Variants in KCNH8 observed in about 807,000 individuals in gnomAD.
KCNH8 encodes the protein potassium voltage-gated channel subfamily H member 8, also known as voltage-gated delayed rectifier potassium channel KCNH8.
A neutral mutation model predicts 103.6 loss-of-function variants in KCNH8; 70 were observed. That is an observed-to-expected ratio of 0.68 (90% CI 0.56 to 0.82). KCNH8 has a LOEUF of 0.82. Among genes scored for constraint, KCNH8 ranks in the 40% least tolerant of loss-of-function variants. The pLI is 0.00. For missense variants in KCNH8, 1,217 were observed against 1,329.9 expected, an observed-to-expected ratio of 0.92 and a Z score of 1.32; for synonymous variants, 498 against 489.4, an observed-to-expected ratio of 1.02 and a Z score of -0.23.
chr3:19,272,539 A>G (rs2064603875), intron 2 of KCNH8, among the ~76,000 whole-genome samples: 1 of 152,004 alleles, frequency 6.6e-6, no homozygotes, highest in South Asian at 2.1e-4. Context: ...ACTGCTTAGA[A>G]CTGTGCTGCA....
chr3:19,475,508 C>T (rs1460681559), intron 11 of KCNH8, among the ~76,000 whole-genome samples: 1 of 152,184 alleles, frequency 6.6e-6, no homozygotes, highest in African/African-American at 2.4e-5. Flanking sequence ...TTGATTCACC[C>T]TTCTTCCCAC....
chr3:19,358,862 T>G (rs1182445905), intron 5 of KCNH8, among the ~76,000 whole-genome samples: 1 of 151,130 alleles, frequency 6.6e-6, no homozygotes, highest in Non-Finnish European at 1.5e-5. Flanking sequence ...AAAGGAACTG[T>G]GCAAAAATAA....
chr3:19,493,789 CCTT>C (rs1160988831), intron 11 of KCNH8, among the ~76,000 whole-genome samples: 3 of 152,006 alleles, frequency 2.0e-5, no homozygotes, highest in African/African-American at 7.3e-5. Flanking sequence ...ACATTATTCT[CCTT>C]ATGTCATTTA....
chr3:19,447,881 T>C (rs906935860), intron 8 of KCNH8, among the ~76,000 whole-genome samples: 1 of 152,046 alleles, frequency 6.6e-6, no homozygotes, highest in African/African-American at 2.4e-5. Context: ...TGGGAAACAT[T>C]TAATTTTTGA....
intron 5 of KCNH8, among the ~76,000 whole-genome samples, chr3:19,379,389 C>G (rs1003142138): frequency 2.6e-5 from 4 of 152,162 alleles, no homozygotes; most frequent in Non-Finnish European, 4.4e-5. Flanking sequence ...TGCCTGTAAT[C>G]CCAGCACTTT....
At chr3:19,492,624 T>TTTG (rs749093096) in intron 11 of KCNH8, among the ~76,000 whole-genome samples, 8 of 152,100 alleles carry the variant, frequency 5.3e-5, no homozygotes, top group Admixed American at 3.3e-4. Flanking sequence ...CAGCTTCATT[T>TTTG]TTGTTGTTGT....
chr3:19,256,584 G>A (rs2064349250), intron 2 of KCNH8, among the ~76,000 whole-genome samples: 1 of 151,970 alleles, frequency 6.6e-6, no homozygotes, highest in African/African-American at 2.4e-5. Context: ...CTTAAGATAG[G>A]CACCTTGTGT....
chr3:19,508,550 G>A (rs1417000504), intron 11 of KCNH8, among the ~76,000 whole-genome samples: 1 of 152,102 alleles, frequency 6.6e-6, no homozygotes, highest in African/African-American at 2.4e-5. Flanking sequence ...TGGGCATAAT[G>A]TCTGGGAAAC....
At chr3:19,279,695 T>C (rs2064731208) in intron 2 of KCNH8, among the ~76,000 whole-genome samples, 1 of 152,092 alleles carries the variant, frequency 6.6e-6, no homozygotes, top group Non-Finnish European at 1.5e-5. Flanking sequence ...ATCCAACCAT[T>C]CTTTTAAACA....
At chr3:19,226,070 C>A (rs1474441858) in intron 1 of KCNH8, among the ~76,000 whole-genome samples, 1 of 152,118 alleles carries the variant, frequency 6.6e-6, no homozygotes, top group African/African-American at 2.4e-5. Flanking sequence ...TGGGGCTTCC[C>A]CCAGTCTTAG....
At chr3:19,476,401 G>T (rs1278537143) in intron 11 of KCNH8, among the ~76,000 whole-genome samples, 1 of 152,138 alleles carries the variant, frequency 6.6e-6, no homozygotes, top group Non-Finnish European at 1.5e-5. Flanking sequence ...ACTAAAGTGA[G>T]CATCTTTCTT....
Position 19,171,011 on chromosome 3 carries a change from C to T in KCNH8, c.76+22216C>T, listed in dbSNP as rs180938159. On this transcript the variant is annotated intron_variant, in intron 1 of 15. Coordinates refer to ENST00000328405, the MANE Select transcript of KCNH8 (RefSeq NM_144633.3). Reference sequence around the variant, plus strand: ...TATTTTTAGTAGAGACGGGGTTTCACCGTGGTCTGGATCTCCTGACCACGT... The same window carrying T: ...TATTTTTAGTAGAGACGGGGTTTCATCGTGGTCTGGATCTCCTGACCACGT... Among the ~76,000 whole-genome samples the T allele has an allele frequency of 1.7e-3, 253 of 151,714 alleles. 1 individual carries two copies. The highest frequency in any genetic ancestry group is 4.3e-3 in the African/African-American group (179 of 41,422).
chr3:19,220,620 A>T (rs887692713), intron 1 of KCNH8, among the ~76,000 whole-genome samples: 2 of 152,100 alleles, frequency 1.3e-5, no homozygotes, highest in African/African-American at 4.8e-5. Context: ...TCTTTCATGG[A>T]TGGCAACATT....
At chr3:19,377,080 T>C (rs2066219121) in intron 5 of KCNH8, among the ~76,000 whole-genome samples, 1 of 152,214 alleles carries the variant, frequency 6.6e-6, no homozygotes, top group African/African-American at 2.4e-5. Context: ...GAATCTAGAA[T>C]GTAAGTTGGA....
chr3:19,322,663 A>T, intron 3 of KCNH8, among the ~76,000 whole-genome samples: 1 of 152,302 alleles, frequency 6.6e-6, no homozygotes, highest in Non-Finnish European at 1.5e-5. Flanking sequence ...CTTGATGACT[A>T]TGTGCCCAGG....
intron 3 of KCNH8, among the ~76,000 whole-genome samples, chr3:19,318,708 ATTTC>A (rs2065310546): frequency 6.7e-6 from 1 of 148,692 alleles, no homozygotes; most frequent in Non-Finnish European, 1.5e-5. Context: ...ATCTACTTTT[ATTTC>A]TTTAAGGAGT....
intron 7 of KCNH8, among the ~76,000 whole-genome samples, chr3:19,419,567 C>G (rs1435146582): frequency 2.0e-5 from 3 of 151,924 alleles, no homozygotes; most frequent in African/African-American, 7.3e-5. Context: ...GCTGACATGG[C>G]CTTTACTTGA....
chr3:19,311,394 C>T (rs185773538), intron 3 of KCNH8, among the ~76,000 whole-genome samples: 1 of 151,594 alleles, frequency 6.6e-6, no homozygotes, highest in Admixed American at 6.6e-5. Flanking sequence ...CAACTTGAAC[C>T]TGTACAGCCC....
At chr3:19,468,270 A>G (rs184507239) in intron 11 of KCNH8, among the ~76,000 whole-genome samples, 19 of 152,356 alleles carry the variant, frequency 1.2e-4, no homozygotes, top group African/African-American at 4.6e-4. Flanking sequence ...TTTAATATAT[A>G]TTCAATGAAT....
Sources: allele counts gnomAD v4.1 joint callset (sites outside exome capture counted in the v4.1 genomes callset), GRCh38; gene constraint gnomAD v4.1.1; transcripts MANE v1.5; gene names NCBI Gene and HGNC (gene_info 2026-07-23, HGNC 2026-07-21).